Variants in EML4 observed in about 807,000 individuals in gnomAD.
EML4 encodes EMAP like 4.
In EML4, 72 loss-of-function variants were observed where a neutral mutation model predicts 129.0. That is an observed-to-expected ratio of 0.56 (90% CI 0.46 to 0.68). The LOEUF (loss-of-function observed/expected upper bound fraction) is 0.68. Ranked by LOEUF, EML4 falls within the 30% of genes least tolerant of loss-of-function variation. The pLI is 0.00. For synonymous variants in EML4, 532 were observed against 405.0 expected (o/e 1.31, Z -3.77); for missense variants, 1,363 against 1,190.6 (o/e 1.14, Z -2.13).
chr2:42,200,209 C>CA (rs1672142528), intron 1 of EML4, among the ~76,000 whole-genome samples: 3 of 151,286 alleles, frequency 2.0e-5, no homozygotes, highest in African/African-American at 4.9e-5. Flanking sequence ...CCTGTAGTCC[C>CA]AGCTACTCGG....
At chr2:42,200,808 G>C (rs1262916188) in intron 1 of EML4, among the ~76,000 whole-genome samples, 1 of 152,160 alleles carries the variant, frequency 6.6e-6, no homozygotes, top group Non-Finnish European at 1.5e-5. Flanking sequence ...TTTGGTGGGA[G>C]AAAGAATGTA....
chr2:42,265,675 A>AAGCCATT (rs77579563), intron 6 of EML4, among the ~76,000 whole-genome samples: 72,786 of 151,820 alleles, frequency 0.48, 17,950 homozygotes, highest in East Asian at 0.74. Flanking sequence ...TTACCTAGAA[A>AAGCCATT]TAAACGATTG....
At chr2:42,177,571 G>A (rs1361671411) in intron 1 of EML4, among the ~76,000 whole-genome samples, 2 of 152,148 alleles carry the variant, frequency 1.3e-5, no homozygotes, top group African/African-American at 2.4e-5. Context: ...TGCAGTGAGC[G>A]CAGATCACAC....
chr2:42,222,088 A>G (rs1673642331), intron 1 of EML4, among the ~76,000 whole-genome samples: 2 of 152,110 alleles, frequency 1.3e-5, no homozygotes, highest in Admixed American at 6.5e-5. Flanking sequence ...GGAGAAGTTG[A>G]GTCATGTTAA....
intron 1 of EML4, among the ~76,000 whole-genome samples, chr2:42,245,094 C>CTTTTTTGTTTTTTTTTTTTTTTTTT (rs1675302814): frequency 1.5e-5 from 1 of 66,560 alleles, no homozygotes; most frequent in African/African-American, 6.5e-5. Flanking sequence ...AATTTTCTTT[C>CTTTTTTGTTTTTTTTTTTTTTTTTT]TTTTTTTTTT....
intron 2 of EML4, among the ~76,000 whole-genome samples, chr2:42,247,782 A>T (rs932030025): frequency 6.6e-6 from 1 of 152,004 alleles, no homozygotes; most frequent in African/African-American, 2.4e-5. Context: ...TTGGATTTTT[A>T]GAGTAGGATA....
chr2:42,197,344 A>G (rs1671952796), intron 1 of EML4, among the ~76,000 whole-genome samples: 4 of 152,142 alleles, frequency 2.6e-5, no homozygotes, highest in Admixed American at 2.6e-4. Flanking sequence ...GTTTACACGC[A>G]TGAGCCACCA....
intron 1 of EML4, among the ~76,000 whole-genome samples, chr2:42,230,195 A>G (rs1674242690): frequency 6.6e-6 from 1 of 152,114 alleles, no homozygotes; most frequent in African/African-American, 2.4e-5. Context: ...CAACAAATCA[A>G]CCACTGTTTG....
chr2:42,186,447 AG>A (rs1572845237), intron 1 of EML4, among the ~76,000 whole-genome samples: 1 of 152,344 alleles, frequency 6.6e-6, no homozygotes, highest in East Asian at 1.9e-4. Context: ...ACAACAGATA[AG>A]ATAAAGACAC....
chr2:42,188,673 C>T (rs1671410212), intron 1 of EML4, among the ~76,000 whole-genome samples: 1 of 151,136 alleles, frequency 6.6e-6, no homozygotes, highest in Admixed American at 6.6e-5. Flanking sequence ...ATTACAGGCA[C>T]CTGCACCATG....
chr2:42,193,963 G>A (rs1285349277), intron 1 of EML4, among the ~76,000 whole-genome samples: 1 of 152,166 alleles, frequency 6.6e-6, no homozygotes, highest in African/African-American at 2.4e-5. Flanking sequence ...GGGATTACAG[G>A]CCTGAAACAC....
At chr2:42,196,643 A>G (rs1425595253) in intron 1 of EML4, among the ~76,000 whole-genome samples, 6 of 152,196 alleles carry the variant, frequency 3.9e-5, no homozygotes, top group Admixed American at 3.9e-4. Context: ...CAGCGAAACA[A>G]AGAGCTGGAG....
chr2:42,276,692 A>G (rs756309682), intron 6 of EML4, among the ~76,000 whole-genome samples: 1 of 152,222 alleles, frequency 6.6e-6, no homozygotes, highest in Non-Finnish European at 1.5e-5. Flanking sequence ...TTATAATTCC[A>G]AACAGTAGGT....
chr2:42,226,546 A>ACT (rs143952672), intron 1 of EML4, among the ~76,000 whole-genome samples: 18,604 of 151,724 alleles, frequency 0.12, 1,196 homozygotes, highest in Middle Eastern at 0.23. Flanking sequence ...AATCCCAGCC[A>ACT]CTCGGGAGGC....
intron 17 of EML4, among the ~76,000 whole-genome samples, chr2:42,309,431 CA>C (rs34837271): frequency 1.0e-3 from 110 of 107,398 alleles, no homozygotes; most frequent in Non-Finnish European, 1.4e-3. Flanking sequence ...ACAACCACCA[CA>C]AAAAAAAAAA....
At chr2:42,259,287 T>A (rs1254441255) in intron 3 of EML4, among the ~76,000 whole-genome samples, 1 of 151,530 alleles carries the variant, frequency 6.6e-6, no homozygotes, top group South Asian at 2.1e-4. Context: ...AGAAAAGAAA[T>A]AGGCATTTAG....
intron 2 of EML4, among the ~76,000 whole-genome samples, chr2:42,247,376 A>G (rs1675478738): frequency 6.6e-6 from 1 of 152,136 alleles, no homozygotes; most frequent in African/African-American, 2.4e-5. Flanking sequence ...TTTGAAAGAG[A>G]TGCTGAGAGA....
chr2:42,285,597 C>CT (rs1667253451), intron 9 of EML4, among the ~76,000 whole-genome samples: 2 of 139,862 alleles, frequency 1.4e-5, no homozygotes, highest in Admixed American at 7.0e-5. Context: ...TTTTTTTTTT[C>CT]TTTTTTTCTT....
chr2:42,304,469 C>T lies in EML4; in HGVS notation c.1900-15C>T. 6.2e-7 allele frequency: 1 copy of T among 1,612,742 alleles called. No homozygotes were observed. The highest frequency in any genetic ancestry group is 1.3e-5 in the African/African-American group (1 of 75,048). The stretch of plus-strand genomic sequence containing the variant: ...TTCTCATGTACTCCCCAACAGCTGT[C>T]TGTCTCTTTTCTAGGAACCAGGACA... On this transcript the variant is annotated splice_polypyrimidine_tract_variant and intron_variant, in intron 16 of 22. Coordinates refer to ENST00000318522, the MANE Select transcript of EML4 (RefSeq NM_019063.5).
Sources: gnomAD v4.1 joint callset for allele counts (sites outside exome capture counted in the v4.1 genomes callset) on GRCh38, gnomAD v4.1.1 for gene constraint, MANE v1.5 for transcripts, NCBI Gene and HGNC (gene_info 2026-07-23, HGNC 2026-07-21) for gene names.